Variants in ADCY10 observed in about 807,000 individuals in gnomAD.
The protein encoded by ADCY10 is adenylate cyclase 10.
ADCY10 carries 156 observed loss-of-function variants against 183.3 expected under a neutral mutation model. The observed-to-expected ratio is 0.85, with a 90% CI of 0.75 to 0.97. ADCY10 has a LOEUF of 0.97. Ranked by LOEUF, ADCY10 falls within the 50% of genes least tolerant of loss-of-function variation. The probability of loss-of-function intolerance (pLI) is 0.00; values close to 1 mark genes in which losing one functional copy is unlikely to be tolerated. For missense variants in ADCY10, 1,745 were observed against 1,934.3 expected, an observed-to-expected ratio of 0.90 and a Z score of 1.84; for synonymous variants, 645 against 670.0, an observed-to-expected ratio of 0.96 and a Z score of 0.58.
At chr1:167,876,422 T>C (rs1288677539) in intron 12 of ADCY10, among the ~76,000 whole-genome samples, 1 of 152,196 alleles carries the variant, frequency 6.6e-6, no homozygotes, top group African/African-American at 2.4e-5. Context: ...TCCATAACAC[T>C]ATCTCTTGAA....
chr1:167,854,582 T>G (rs994817008), intron 17 of ADCY10, 93 bp from the exon 18 acceptor site: 145 of 1,456,358 alleles, frequency 1.0e-4, no homozygotes, highest in Middle Eastern at 1.7e-4. Context: ...GAAAATAATT[T>G]CTTGTCATTC....
At chr1:167,829,563 A>G in intron 25 of ADCY10, 140 bp from the exon 26 acceptor site, 1 of 866,590 alleles carries the variant, frequency 1.2e-6, no homozygotes, top group Non-Finnish European at 1.9e-6. Flanking sequence ...TCCATGACTG[A>G]CAAACAAGCA....
At chr1:167,900,265 G>A (rs955349121) in intron 5 of ADCY10, among the ~76,000 whole-genome samples, 2 of 151,688 alleles carry the variant, frequency 1.3e-5, no homozygotes, top group Admixed American at 6.6e-5. Flanking sequence ...TTTTATCTTC[G>A]CTCTCTGCTA....
chr1:167,884,730 C>T (rs1452962362), intron 8 of ADCY10, among the ~76,000 whole-genome samples: 1 of 141,198 alleles, frequency 7.1e-6, no homozygotes, highest in African/African-American at 2.7e-5. Context: ...CGGAGTCTCG[C>T]TCTGTTGCTC....
intron 24 of ADCY10, 38 bp downstream of exon 24, chr1:167,833,932 A>G: frequency 6.7e-7 from 1 of 1,496,752 alleles, no homozygotes; most frequent in Non-Finnish European, 9.3e-7. Flanking sequence ...GGCCTAAGAT[A>G]TATAACAGAT....
intron 8 of ADCY10, among the ~76,000 whole-genome samples, chr1:167,889,563 T>G (rs1668464601): frequency 2.0e-5 from 3 of 152,176 alleles, no homozygotes; most frequent in African/African-American, 7.2e-5. Context: ...TGTCTGGTTT[T>G]GGTATCAGGG....
intron 23 of ADCY10, 79 bp from the exon 24 acceptor site, chr1:167,834,156 A>G: frequency 9.3e-7 from 1 of 1,075,264 alleles, no homozygotes. Context: ...CCCAGACTCT[A>G]CTGAAGTAAG....
At chr1:167,899,925 A>G (rs1456109691) in intron 5 of ADCY10, among the ~76,000 whole-genome samples, 2 of 152,218 alleles carry the variant, frequency 1.3e-5, no homozygotes, top group Non-Finnish European at 2.9e-5. Flanking sequence ...AATTATGTAT[A>G]CTTAAGGGCA....
At chr1:167,827,313 G>C (rs867220209) in intron 26 of ADCY10, among the ~76,000 whole-genome samples, 4 of 147,354 alleles carry the variant, frequency 2.7e-5, no homozygotes, top group African/African-American at 1.0e-4. Context: ...GACTACAGGC[G>C]CCCGCCACCA....
Position 167,853,505 on chromosome 1 carries a change from G to A in ADCY10, c.2308+848C>T, listed in dbSNP as rs527655497. ...ATCTAGCAACTCAGAAACACCAAGGGAGTGGAAACAAAAAAAGTCCCAATT... is the reference window on the plus strand; with the variant it reads ...ATCTAGCAACTCAGAAACACCAAGGAAGTGGAAACAAAAAAAGTCCCAATT... On this transcript the variant is annotated intron_variant, in intron 18 of 32. Transcript: ENST00000367851. 1.1e-3 allele frequency among the ~76,000 whole-genome samples: 168 copies of A among 152,218 alleles called. 3 individuals are homozygous for A. Among genetic ancestry groups the A allele is most frequent in the Admixed American group, 0.01 (156 of 15,282 alleles).
chr1:167,863,109 C>T (rs1415692731), intron 14 of ADCY10, among the ~76,000 whole-genome samples: 1 of 152,112 alleles, frequency 6.6e-6, no homozygotes, highest in Non-Finnish European at 1.5e-5. Flanking sequence ...GAGACAGACC[C>T]TCTCATATTG....
intron 8 of ADCY10, among the ~76,000 whole-genome samples, chr1:167,892,199 T>C (rs1337488577): frequency 6.6e-6 from 1 of 152,192 alleles, no homozygotes; most frequent in Non-Finnish European, 1.5e-5. Flanking sequence ...CTTGAACTCC[T>C]GGGCTCAAGT....
At chr1:167,842,545 A>T (rs1444344562) in intron 21 of ADCY10, among the ~76,000 whole-genome samples, 1 of 151,948 alleles carries the variant, frequency 6.6e-6, no homozygotes, top group Non-Finnish European at 1.5e-5. Flanking sequence ...CAGAGTATCT[A>T]TCTGTCTAGG....
Position 167,905,141 on chromosome 1 carries a change from G to A in ADCY10, c.-1C>T. 1 of 1,614,190 alleles carries A rather than the reference G, an allele frequency of 6.2e-7. No homozygotes were observed. Among genetic ancestry groups the A allele is most frequent in the Non-Finnish European group, 8.5e-7 (1 of 1,180,026 alleles). On this transcript the variant is annotated 5_prime_UTR_variant, in exon 2 of 33. Coordinates refer to ENST00000367851, the MANE Select transcript of ADCY10 (RefSeq NM_018417.6). Reference sequence around the variant, plus strand: ...GGAATTCTTCTTTTGGAGTGTTCATGTTCAAGACAAATGTTCAGGATTTTA... The same window carrying A: ...GGAATTCTTCTTTTGGAGTGTTCATATTCAAGACAAATGTTCAGGATTTTA...
chr1:167,846,333 G>C (rs928451846), intron 19 of ADCY10, 70 bp from the exon 20 acceptor site: 49 of 1,557,052 alleles, frequency 3.1e-5, no homozygotes, highest in Non-Finnish European at 4.1e-5. Flanking sequence ...ATTTAATATA[G>C]AGCAGGTGGA....
chr1:167,855,594 AC>A (rs1183101165), intron 17 of ADCY10, among the ~76,000 whole-genome samples: 1 of 151,932 alleles, frequency 6.6e-6, no homozygotes, highest in Non-Finnish European at 1.5e-5. Context: ...GTATACCCAT[AC>A]CCCCCATGAT....
In ADCY10 at chr1:167,880,490, C is replaced by T; in HGVS notation, c.1139+1G>A. The T allele has an allele frequency of 6.2e-7, 1 of 1,611,012 alleles. No individual in the cohort carries two copies. Among genetic ancestry groups the T allele is most frequent in the Non-Finnish European group, 8.5e-7 (1 of 1,177,152 alleles). ...TGGGTGGGACCAGGGTCAATACTCA[C>T]TGGATTTTGTGGACTTGAGAGCAGA... On this transcript the variant is annotated splice_donor_variant, in intron 10 of 32. Transcript: ENST00000367851. LOFTEE classifies it high-confidence loss of function.
chr1:167,850,263 A>C (rs572915110), intron 18 of ADCY10, among the ~76,000 whole-genome samples: 8 of 152,126 alleles, frequency 5.3e-5, no homozygotes, highest in Non-Finnish European at 1.0e-4. Context: ...GGCCTAAGCA[A>C]GACAGTGATA....
intron 32 of ADCY10, 118 bp downstream of exon 32, chr1:167,810,607 C>G: frequency 1.1e-6 from 1 of 911,202 alleles, no homozygotes; most frequent in Non-Finnish European, 1.8e-6. Context: ...TCATCAATGA[C>G]CCAGTCTAAG....
Sources: allele counts gnomAD v4.1 joint callset (sites outside exome capture counted in the v4.1 genomes callset), GRCh38; gene constraint gnomAD v4.1.1; transcripts MANE v1.5; gene names NCBI Gene and HGNC (gene_info 2026-07-23, HGNC 2026-07-21).